The following AASDH variants were observed in gnomAD, a reference collection of about 807,000 sequenced individuals.
AASDH encodes aminoadipate-semialdehyde dehydrogenase.
In AASDH, 81 loss-of-function variants were observed where a neutral mutation model predicts 102.3. That is an observed-to-expected ratio of 0.79 (90% confidence interval 0.66 to 0.95). AASDH has a LOEUF of 0.95. AASDH is among the 40% of genes least tolerant of loss of function. The pLI is 0.00. For missense variants in AASDH, 1,203 were observed against 1,266.2 expected, an observed-to-expected ratio of 0.95 and a Z score of 0.76; for synonymous variants, 398 against 454.0, an observed-to-expected ratio of 0.88 and a Z score of 1.57.
chr4:56,378,911 T>A (rs1752666186), intron 3 of AASDH, among the ~76,000 whole-genome samples: 1 of 151,260 alleles, frequency 6.6e-6, no homozygotes, highest in South Asian at 2.1e-4. Context: ...TGAGACGGAG[T>A]CTCACTCTGT....
intron 5 of AASDH, chr4:56,356,664 G>A: frequency 2.9e-6 from 2 of 686,796 alleles, no homozygotes; most frequent in South Asian, 3.0e-5. Context: ...ATAAAATGGG[G>A]GTCCCTTATT....
Position 56,351,434 on chromosome 4 carries a change from T to A in AASDH, c.1600A>T (p.Asn534Tyr). 2 of 1,584,740 alleles carry A rather than the reference T, an allele frequency of 1.3e-6. No individual in the cohort carries two copies. The highest frequency in any genetic ancestry group is 1.7e-6 in the Non-Finnish European group (2 of 1,159,942). The stretch of plus-strand genomic sequence containing the variant: ...TTTATGTAGTTTAAATATATCTTGT[T>A]TAACTCAGAAACATCAATTTTGCCT... ...SHGKIDVSEL[N>Y]KIYLNYINLK... is the part of the protein sequence containing the mutation. The change falls in exon 10 of 15, where the codon AAC (asparagine) becomes TAC (tyrosine). Residue 534 changes from asparagine (N) to tyrosine (Y), a missense_variant. Physicochemically the swap from Asn to Tyr is moderately radical, Grantham distance 143. Coordinates refer to ENST00000205214, the MANE Select transcript of AASDH (RefSeq NM_181806.4).
chr4:56,375,544 A>G (rs1281302529), intron 4 of AASDH, among the ~76,000 whole-genome samples: 1 of 152,194 alleles, frequency 6.6e-6, no homozygotes, highest in Non-Finnish European at 1.5e-5. Flanking sequence ...GTATCAAGAA[A>G]TTTGTATAAT....
At chr4:56,351,118 C>T (rs1748948365) in intron 10 of AASDH, among the ~76,000 whole-genome samples, 1 of 152,172 alleles carries the variant, frequency 6.6e-6, no homozygotes, top group South Asian at 2.1e-4. Flanking sequence ...TTTATGACTA[C>T]TTCACTTTCA....
At chr4:56,343,738 A>AT in intron 12 of AASDH, 54 bp from the exon 13 acceptor site, 2 of 1,536,944 alleles carry the variant, frequency 1.3e-6, no homozygotes, top group South Asian at 2.5e-5. Context: ...ACAAATCCAT[A>AT]TAACCTACCC....
At chr4:56,358,009 T>C (rs1472901101) in intron 5 of AASDH, among the ~76,000 whole-genome samples, 2 of 152,144 alleles carry the variant, frequency 1.3e-5, no homozygotes, top group Admixed American at 1.3e-4. Context: ...CTCTAATTTC[T>C]ATCAACAATG....
intron 5 of AASDH, chr4:56,356,167 G>T: frequency 1.4e-6 from 1 of 696,602 alleles, no homozygotes; most frequent in South Asian, 1.5e-5. Context: ...GAAAGAAGGT[G>T]GCTCTGGCCC....
chr4:56,377,941 A>G (rs1752539740), intron 4 of AASDH, among the ~76,000 whole-genome samples: 1 of 152,172 alleles, frequency 6.6e-6, no homozygotes, highest in African/African-American at 2.4e-5. Context: ...AGTACCTGGT[A>G]TTACAGGCAC....
intron 14 of AASDH, among the ~76,000 whole-genome samples, chr4:56,340,226 C>T (rs145186370): frequency 0.016 from 2,421 of 152,070 alleles, 75 homozygotes; most frequent in African/African-American, 0.055. Context: ...CCCAGAATAG[C>T]CAAAGCAATA....
At chr4:56,377,252 T>C (rs895244355) in intron 4 of AASDH, among the ~76,000 whole-genome samples, 13 of 152,308 alleles carry the variant, frequency 8.5e-5, no homozygotes, top group Non-Finnish European at 1.8e-4. Context: ...TTTCCTCCTT[T>C]GATTTTCTAG....
chr4:56,353,013 T>G (rs1329015578), intron 9 of AASDH, among the ~76,000 whole-genome samples: 1 of 152,106 alleles, frequency 6.6e-6, no homozygotes, highest in Non-Finnish European at 1.5e-5. Flanking sequence ...TAACCTCTTT[T>G]TTTTTTTTTA....
chr4:56,374,044 C>A lies in AASDH; in HGVS notation c.669-2401G>T, dbSNP rs1752046794. Among the ~76,000 whole-genome samples the A allele has an allele frequency of 3.9e-5, 6 of 152,082 alleles. No individual in the cohort carries two copies. In the South Asian group the frequency reaches 1.2e-3, roughly 32 times the overall value. ...TGAGGCAGGTATGATTATGTGAGAA[C>A]CTAACTCAGAAACCAAGTTGGTATG... On this transcript the variant is annotated intron_variant, in intron 4 of 14. Coordinates refer to ENST00000205214, the MANE Select transcript of AASDH (RefSeq NM_181806.4).
At chr4:56,385,856 A>G (rs1429425690) in intron 1 of AASDH, among the ~76,000 whole-genome samples, 1 of 151,848 alleles carries the variant, frequency 6.6e-6, no homozygotes, top group Admixed American at 6.6e-5. Flanking sequence ...TGATCCACCT[A>G]CCTTGGCCTC....
intron 12 of AASDH, among the ~76,000 whole-genome samples, chr4:56,344,102 T>C (rs1162779255): frequency 3.3e-5 from 5 of 152,188 alleles, no homozygotes; most frequent in East Asian, 1.9e-4. Flanking sequence ...TACCTTATCA[T>C]TGAACGTTTT....
At chr4:56,382,197 C>T (rs1412223120) in intron 3 of AASDH, 1 of 308,746 alleles carries the variant, frequency 3.2e-6, no homozygotes, top group Non-Finnish European at 6.0e-6. Context: ...GTGGAGAGCC[C>T]CTCTGGGGGA....
intron 4 of AASDH, among the ~76,000 whole-genome samples, chr4:56,376,470 T>C (rs1217028439): frequency 6.6e-6 from 1 of 152,242 alleles, no homozygotes; most frequent in Non-Finnish European, 1.5e-5. Context: ...CCTAATGTAA[T>C]CTATCTCCAA....
chr4:56,381,639 T>A (rs1241154008), intron 3 of AASDH: 1 of 66,298 alleles, frequency 1.5e-5, no homozygotes, highest in East Asian at 3.5e-4. Flanking sequence ...CCTCAAGTTC[T>A]TGACACTTCT....
At chr4:56,347,981 T>C (rs958951087) in intron 11 of AASDH, among the ~76,000 whole-genome samples, 2 of 151,754 alleles carry the variant, frequency 1.3e-5, no homozygotes, top group Admixed American at 6.6e-5. Context: ...TGAAACCCCA[T>C]CTCTACAAAA....
At chr4:56,347,317 G>A (rs988813033) in intron 11 of AASDH, among the ~76,000 whole-genome samples, 7 of 152,274 alleles carry the variant, frequency 4.6e-5, no homozygotes, top group East Asian at 1.9e-4. Flanking sequence ...TCAAAATGCC[G>A]TTGTTTAAAG....
Sources: allele counts gnomAD v4.1 joint callset (sites outside exome capture counted in the v4.1 genomes callset), GRCh38; gene constraint gnomAD v4.1.1; transcripts MANE v1.5; gene names NCBI Gene and HGNC (gene_info 2026-07-23, HGNC 2026-07-21).